RORA: variants seen among roughly 807,000 people sequenced by gnomAD.
The protein encoded by RORA is RAR related orphan receptor A.
Under a neutral mutation model 69.5 loss-of-function variants are expected in RORA, and 7 were observed. The ratio of observed to expected loss-of-function variants is 0.10; its 90% CI spans 0.06 to 0.19. The LOEUF is 0.19. Among genes scored for constraint, RORA ranks in the 10% least tolerant of loss-of-function variants. The pLI is 1.00. For missense variants in RORA, 457 were observed against 663.0 expected (o/e 0.69, Z 3.41); for synonymous variants, 261 against 240.8 (o/e 1.08, Z -0.78).
rs1280254384 is a variant in RORA at position 60,823,119 on chromosome 15, TC to T, written c.167-144434del. On this transcript the variant is annotated intron_variant, in intron 1 of 10. Transcript: ENST00000335670. Reference sequence around the variant, plus strand: ...TCCTTCATTCTTCTCTTTCTCTCTCTCTCTCTCTCTCTTTCTTTTTTTCTCC... The same window carrying T: ...TCCTTCATTCTTCTCTTTCTCTCTCTTCTCTCTCTCTTTCTTTTTTTCTCC... Among the ~76,000 whole-genome samples, 657 of 116,466 alleles carry T rather than the reference TC, an allele frequency of 5.6e-3. 9 individuals carry two copies. Among genetic ancestry groups the T allele is most frequent in the African/African-American group, 0.02 (623 of 31,738 alleles). 76.4% of individuals were successfully genotyped at this position (116,466 alleles called of 152,430 possible).
chr15:60,659,924 A>T (rs1471594519), intron 2 of RORA, among the ~76,000 whole-genome samples: 1 of 152,184 alleles, frequency 6.6e-6, no homozygotes, highest in Non-Finnish European at 1.5e-5. Flanking sequence ...TTGTCATTTC[A>T]TCCACAACTA....
In RORA at chr15:60,760,142, A is replaced by AT. The variant is rs10717467; in HGVS notation, c.167-81457dup. ...TTAGAAGCTCTCTGAGCTTTAAAAT[A>AT]TTTTTTTTTTTCAATGTTTCTGAGC... On this transcript the variant is annotated intron_variant, in intron 1 of 10. Transcript: ENST00000335670. Among the ~76,000 whole-genome samples the AT allele has an allele frequency of 2.0e-3, 304 of 148,826 alleles. 2 individuals are homozygous for AT. The highest frequency in any genetic ancestry group is 0.012 in the South Asian group (54 of 4,652).
intron 1 of RORA, among the ~76,000 whole-genome samples, chr15:61,148,128 C>G (rs1017607694): frequency 1.3e-5 from 2 of 152,184 alleles, no homozygotes; most frequent in African/African-American, 4.8e-5. Context: ...GCAGTGGAAT[C>G]TGAGTGACAT....
intron 2 of RORA, among the ~76,000 whole-genome samples, chr15:60,618,393 G>A (rs1266396041): frequency 6.6e-6 from 1 of 152,084 alleles, no homozygotes. Context: ...TCCCATACAC[G>A]CACATCTTGA....
intron 1 of RORA, among the ~76,000 whole-genome samples, chr15:61,006,214 A>C (rs1177517340): frequency 2.0e-5 from 3 of 151,456 alleles, no homozygotes; most frequent in Non-Finnish European, 4.4e-5. Context: ...TGATCTGCCC[A>C]CCTCAGCCTC....
At chr15:61,019,522 T>G (rs1249888566) in intron 1 of RORA, among the ~76,000 whole-genome samples, 1 of 152,196 alleles carries the variant, frequency 6.6e-6, no homozygotes, top group Non-Finnish European at 1.5e-5. Flanking sequence ...AGGTTTTGTC[T>G]TCGTGCTAAA....
intron 1 of RORA, among the ~76,000 whole-genome samples, chr15:60,721,434 T>G (rs1263242223): frequency 6.6e-6 from 1 of 152,246 alleles, no homozygotes; most frequent in South Asian, 2.1e-4. Context: ...AGGCTGGGCT[T>G]CCATTACAAT....
intron 1 of RORA, among the ~76,000 whole-genome samples, chr15:60,753,587 T>C (rs751270820): frequency 2.0e-5 from 3 of 152,222 alleles, no homozygotes; most frequent in Non-Finnish European, 4.4e-5. Flanking sequence ...ATTTTACAGA[T>C]GAGGAAATTG....
chr15:60,512,169 CTG>C (rs2065722486), intron 4 of RORA: 1 of 152,954 alleles, frequency 6.5e-6, no homozygotes, highest in Non-Finnish European at 1.5e-5. Context: ...GATGAGGCCT[CTG>C]TAATTCTTTG....
chr15:61,154,172 C>T lies in RORA; in HGVS notation c.166+74881G>A, dbSNP rs1835965928. Reference sequence around the variant, plus strand: ...ATCCACATCTCATTTTGAAGGCATTCCTCCCCACCAACAACATTACTCTTT... The same window carrying T: ...ATCCACATCTCATTTTGAAGGCATTTCTCCCCACCAACAACATTACTCTTT... On this transcript the variant is annotated intron_variant, in intron 1 of 10. Coordinates refer to ENST00000335670, the MANE Select transcript of RORA (RefSeq NM_134261.3). 2.0e-5 allele frequency among the ~76,000 whole-genome samples: 3 copies of T among 152,138 alleles called. No homozygotes were observed. In the South Asian group the frequency reaches 6.2e-4, roughly 32 times the overall value.
chr15:60,560,343 T>TA (rs2067495198), intron 2 of RORA, among the ~76,000 whole-genome samples: 1 of 151,944 alleles, frequency 6.6e-6, no homozygotes, highest in Non-Finnish European at 1.5e-5. Context: ...GTTACACCCT[T>TA]ACTATTTCAT....
intron 1 of RORA, among the ~76,000 whole-genome samples, chr15:60,687,685 T>C (rs186914190): frequency 6.3e-4 from 96 of 152,320 alleles, no homozygotes; most frequent in African/African-American, 2.1e-3. Context: ...ACCCAGGAAG[T>C]AGAGGTTGCA....
intron 1 of RORA, among the ~76,000 whole-genome samples, chr15:61,012,625 G>C (rs1451585790): frequency 6.6e-6 from 1 of 151,500 alleles, no homozygotes; most frequent in Non-Finnish European, 1.5e-5. Flanking sequence ...TCAAGTGCCT[G>C]GCAAACATTG....
At chr15:61,101,139 T>C (rs1390644492) in intron 1 of RORA, among the ~76,000 whole-genome samples, 1 of 152,210 alleles carries the variant, frequency 6.6e-6, no homozygotes, top group African/African-American at 2.4e-5. Context: ...AGCAACCTGT[T>C]ACAAATCACT....
At position 61,229,237 on chromosome 15, in the gene RORA, G is replaced by C. The variant is rs539097275; in HGVS notation, c.-19C>G. 8 of 1,245,858 alleles carry C rather than the reference G, an allele frequency of 6.4e-6. No individual in the cohort carries two copies. The highest frequency in any genetic ancestry group is 3.5e-4 in the Middle Eastern group (1 of 2,898). The allele number at this position is 1,245,858 out of a possible 1,614,324, so 77.2% of individuals were successfully genotyped here. ...ACTCCATGTTTTTTCCCAATGTAGA[G>C]ATCGCTGGAGATGGCGAGCTCCGAG... is the stretch of plus-strand genomic sequence containing the variant. On this transcript the variant is annotated 5_prime_UTR_variant, in exon 1 of 11. The change creates a new upstream start codon in the 5' untranslated region. Transcript: ENST00000335670.
At chr15:60,879,321 C>T (rs1409485692) in intron 1 of RORA, among the ~76,000 whole-genome samples, 1 of 149,540 alleles carries the variant, frequency 6.7e-6, no homozygotes, top group Non-Finnish European at 1.5e-5. Flanking sequence ...CCTTTCCAAA[C>T]CTCAGTTTGT....
intron 3 of RORA, among the ~76,000 whole-genome samples, chr15:60,516,890 A>T (rs1453591209): frequency 6.6e-6 from 1 of 152,144 alleles, no homozygotes; most frequent in Non-Finnish European, 1.5e-5. Flanking sequence ...TACAAATGGT[A>T]TTTCAGAAAT....
At chr15:60,686,318 G>A (rs1567155733) in intron 1 of RORA, among the ~76,000 whole-genome samples, 1 of 152,220 alleles carries the variant, frequency 6.6e-6, no homozygotes, top group South Asian at 2.1e-4. Context: ...CCTCTTCTCA[G>A]AGATTACTAT....
intron 1 of RORA, among the ~76,000 whole-genome samples, chr15:60,717,211 C>T (rs1256713664): frequency 6.6e-6 from 1 of 152,178 alleles, no homozygotes. Flanking sequence ...CATGTGGTCA[C>T]AGAAGTCTTC....
Sources: allele counts gnomAD v4.1 joint callset (sites outside exome capture counted in the v4.1 genomes callset), GRCh38; gene constraint gnomAD v4.1.1; transcripts MANE v1.5; gene names NCBI Gene and HGNC (gene_info 2026-07-23, HGNC 2026-07-21).